The following COL24A1 variants were observed in gnomAD, a reference collection of about 807,000 sequenced individuals.
COL24A1 encodes collagen type XXIV alpha 1 chain.
In COL24A1, 224 loss-of-function variants were observed where a neutral mutation model predicts 253.9. That is an observed-to-expected ratio of 0.88 (90% CI 0.79 to 0.99). The LOEUF is 0.99. Ranked by LOEUF, COL24A1 falls within the 50% of genes least tolerant of loss-of-function variation. COL24A1 has a pLI of 0.00. For synonymous variants in COL24A1, 685 were observed against 673.7 expected (o/e 1.02, Z -0.26); for missense variants, 2,131 against 2,068.5 (o/e 1.03, Z -0.59).
At chr1:86,067,723 C>T (rs918449031) in intron 7 of COL24A1, among the ~76,000 whole-genome samples, 6 of 152,158 alleles carry the variant, frequency 3.9e-5, no homozygotes, top group African/African-American at 1.4e-4. Flanking sequence ...CCATATGCCT[C>T]ATTTATTTTC....
intron 55 of COL24A1, among the ~76,000 whole-genome samples, chr1:85,747,410 G>A (rs547309645): frequency 8.6e-5 from 13 of 151,818 alleles, no homozygotes; most frequent in Admixed American, 1.3e-4. Context: ...CACCGTGCCC[G>A]GCCAACTTTT....
At chr1:85,745,399 A>G in intron 56 of COL24A1, 42 bp downstream of exon 56, 2 of 1,463,896 alleles carry the variant, frequency 1.4e-6, no homozygotes, top group East Asian at 2.4e-5. Context: ...TAATTGGTAT[A>G]TTGAGAGACA....
intron 24 of COL24A1, among the ~76,000 whole-genome samples, chr1:85,927,439 G>T (rs868326213): frequency 7.2e-6 from 1 of 139,550 alleles, no homozygotes; most frequent in Non-Finnish European, 1.6e-5. Flanking sequence ...CTACGCCCAC[G>T]GAATCTCACT....
chr1:86,111,669 CTT>C (rs1048110905), intron 5 of COL24A1, among the ~76,000 whole-genome samples: 2 of 152,310 alleles, frequency 1.3e-5, no homozygotes, highest in Admixed American at 6.5e-5. Context: ...TTCTTTCACT[CTT>C]TGCAATAAAT....
At chr1:86,060,745 C>T (rs142390723) in intron 8 of COL24A1, among the ~76,000 whole-genome samples, 72 of 152,056 alleles carry the variant, frequency 4.7e-4, no homozygotes, top group Non-Finnish European at 6.9e-4. Flanking sequence ...AGAAGTATGA[C>T]AATGGACAAC....
chr1:85,877,254 TTATAA>T (rs1485175737), intron 32 of COL24A1, 79 bp from the exon 33 acceptor site: 2 of 976,118 alleles, frequency 2.0e-6, no homozygotes, highest in African/African-American at 3.4e-5. Flanking sequence ...GATATGGGTT[TTATAA>T]TATAACACAT....
At chr1:86,009,573 T>C (rs893626041) in intron 19 of COL24A1, among the ~76,000 whole-genome samples, 2 of 152,052 alleles carry the variant, frequency 1.3e-5, no homozygotes, top group African/African-American at 4.8e-5. Context: ...AACATAGAAA[T>C]GGTACAGTAA....
chr1:85,785,833 G>C (rs941990160), intron 48 of COL24A1, among the ~76,000 whole-genome samples: 5 of 152,200 alleles, frequency 3.3e-5, no homozygotes, highest in African/African-American at 4.8e-5. Flanking sequence ...AATCCTGTAT[G>C]AGATATTTCT....
Position 85,730,466 on chromosome 1 carries a change from G to T in COL24A1, c.*80C>A. On this transcript the variant is annotated 3_prime_UTR_variant, in exon 60 of 60. Transcript: ENST00000370571. ...TGCTTTATTACATGCATTTCATAAT[G>T]ACTGTATCTGTCTGTCTTATTTCTC... 6.9e-7 allele frequency: 1 copy of T among 1,439,578 alleles called. No individual in the cohort carries two copies. The highest frequency in any genetic ancestry group is 9.6e-7 in the Non-Finnish European group (1 of 1,042,616). The allele number at this position is 1,439,578 out of a possible 1,614,324, so 89.2% of individuals were successfully genotyped here.
intron 24 of COL24A1, among the ~76,000 whole-genome samples, chr1:85,923,723 G>C (rs1350355678): frequency 6.6e-6 from 1 of 152,166 alleles, no homozygotes; most frequent in African/African-American, 2.4e-5. Context: ...AAGCAGGAAA[G>C]ATCTAAAATT....
chr1:85,926,238 T>C (rs1236589436), intron 24 of COL24A1, among the ~76,000 whole-genome samples: 1 of 152,224 alleles, frequency 6.6e-6, no homozygotes, highest in African/African-American at 2.4e-5. Flanking sequence ...GAGTGTAAAC[T>C]AGTTCAACCA....
chr1:85,893,538 T>C (rs778217923), intron 31 of COL24A1, among the ~76,000 whole-genome samples: 5 of 152,162 alleles, frequency 3.3e-5, no homozygotes, highest in Non-Finnish European at 5.9e-5. Context: ...GAACCTAAAA[T>C]AGTGATCCAG....
Position 85,761,432 on chromosome 1 carries a change from A to C in COL24A1, c.4411-10T>G. 6.2e-7 allele frequency: 1 copy of C among 1,614,154 alleles called. No homozygotes were observed. The highest frequency in any genetic ancestry group is 8.5e-7 in the Non-Finnish European group (1 of 1,179,998). On this transcript the variant is annotated splice_polypyrimidine_tract_variant and intron_variant, in intron 54 of 59. Transcript: ENST00000370571. ...GTGCTCCAGGTGGACCCTAGAACAC[A>C]GCAAATTAAAAAAAATACACATTTA...
rs12034817 is a variant in COL24A1, at chr1:86,094,466, G to C, written c.1600-2146C>G. ...ATGAGAACACATGGACACAGAGAGG[G>C]GAACAACAGACATAGGGTGGGAGGT... On this transcript the variant is annotated intron_variant, in intron 5 of 59. Coordinates refer to ENST00000370571, the MANE Select transcript of COL24A1 (RefSeq NM_152890.7). 4.0e-5 allele frequency among the ~76,000 whole-genome samples: 6 copies of C among 149,384 alleles called. No individual in the cohort carries two copies. The East Asian group carries it at 7.8e-4, about 19-fold the overall frequency.
At chr1:86,121,101 T>C (rs1647274351) in intron 3 of COL24A1, among the ~76,000 whole-genome samples, 1 of 152,034 alleles carries the variant, frequency 6.6e-6, no homozygotes, top group African/African-American at 2.4e-5. Context: ...TGAGAACACT[T>C]GGACACAGGG....
intron 43 of COL24A1, among the ~76,000 whole-genome samples, chr1:85,835,254 C>T (rs1257861194): frequency 6.6e-6 from 1 of 152,184 alleles, no homozygotes; most frequent in Non-Finnish European, 1.5e-5. Flanking sequence ...GCCTCAGCCT[C>T]CCGAGTAGCT....
chr1:85,739,839 C>A (rs1557944283), intron 57 of COL24A1, among the ~76,000 whole-genome samples: 1 of 152,140 alleles, frequency 6.6e-6, no homozygotes, highest in Non-Finnish European at 1.5e-5. Context: ...TAACCATTAA[C>A]TTCCAAGGCC....
chr1:86,142,142 T>C (rs569391991), intron 2 of COL24A1, among the ~76,000 whole-genome samples: 69 of 151,268 alleles, frequency 4.6e-4, no homozygotes, highest in Non-Finnish European at 7.2e-4. Flanking sequence ...TTCTTATCCT[T>C]ACAGAGATAA....
rs185851471 is a variant in COL24A1 at position 85,873,441 on chromosome 1, A to T, written c.3138+1208T>A. Reference sequence around the variant, plus strand: ...TAGCAAAGACTTGGAACCAACCCAAATGTCCATCAATGATAGACTGGATTA... The same window carrying T: ...TAGCAAAGACTTGGAACCAACCCAATTGTCCATCAATGATAGACTGGATTA... On this transcript the variant is annotated intron_variant, in intron 35 of 59. Transcript: ENST00000370571. 5.3e-4 allele frequency among the ~76,000 whole-genome samples: 80 copies of T among 152,344 alleles called. No homozygotes were observed. In the East Asian group the frequency reaches 0.015, roughly 29 times the overall value.
Sources: allele counts gnomAD v4.1 joint callset (sites outside exome capture counted in the v4.1 genomes callset), GRCh38; gene constraint gnomAD v4.1.1; transcripts MANE v1.5; gene names NCBI Gene and HGNC (gene_info 2026-07-23, HGNC 2026-07-21).